The following ACTG1 variants were observed in gnomAD, a reference collection of about 807,000 sequenced individuals.
ACTG1 encodes actin gamma 1, also known as actin, cytoplasmic 2.
Under a neutral mutation model 34.3 loss-of-function variants are expected in ACTG1, and 14 were observed. The ratio of observed to expected loss-of-function variants is 0.41; its 90% CI spans 0.27 to 0.64. ACTG1 has a LOEUF of 0.64. Ranked by LOEUF, ACTG1 falls within the 30% of genes least tolerant of loss-of-function variation. The pLI is 0.33. For missense variants in ACTG1, 233 were observed against 529.5 expected (o/e 0.44, Z 5.50); for synonymous variants, 422 against 213.9 (o/e 1.97, Z -8.49).
Position 81,510,935 on chromosome 17 carries a change from T to TGGC in ACTG1, c.975_976insGCC (p.Met325_Lys326insAla). The stretch of plus-strand genomic sequence containing the variant: ...CCAACCCCTCGACTCACCTTGATCT[T>TGGC]CATGGTGCTGGGCGCCAGGGCGGTG... On this transcript the variant is annotated inframe_insertion, in exon 5 of 6. Coordinates refer to ENST00000573283, the MANE Select transcript of ACTG1 (RefSeq NM_001614.5). 1 of 1,614,062 alleles carries TGGC rather than the reference T, an allele frequency of 6.2e-7. No homozygotes were observed. Among genetic ancestry groups the TGGC allele is most frequent in the Admixed American group, 1.7e-5 (1 of 60,022 alleles).
At chr17:81,512,182 A>T (rs1555667166) in intron 2 of ACTG1, 40 bp from the exon 3 acceptor site, 1 of 1,612,950 alleles carries the variant, frequency 6.2e-7, no homozygotes, top group Admixed American at 1.7e-5. Flanking sequence ...GCGACACCGA[A>T]CCCACCCCGC....
At chr17:81,511,156 AAG>A in intron 4 of ACTG1, 30 bp downstream of exon 4, 1 of 1,613,722 alleles carries the variant, frequency 6.2e-7, no homozygotes, top group South Asian at 1.1e-5. Flanking sequence ...CCGAGGATGT[AAG>A]AGTAGAAACC....
rs1140383 is a variant in ACTG1, at chr17:81,510,208, G to A, written c.*482C>T. 4 of 527,628 alleles carry A rather than the reference G, an allele frequency of 7.6e-6. No individual in the cohort carries two copies. Among genetic ancestry groups the A allele is most frequent in the African/African-American group, 1.9e-5 (1 of 51,380 alleles). 32.7% of individuals were successfully genotyped at this position (527,628 alleles called of 1,614,324 possible). ...TGTTCTGGCCAAAGACATCAGCTAA[G>A]AAAGGAAACTGGGTCCTACGGCTTG... On this transcript the variant is annotated 3_prime_UTR_variant, in exon 6 of 6. Coordinates refer to ENST00000573283, the MANE Select transcript of ACTG1 (RefSeq NM_001614.5).
chr17:81,510,115 T>C lies in ACTG1; in HGVS notation c.*575A>G. 2.1e-6 allele frequency: 1 copy of C among 465,602 alleles called. No individual in the cohort carries two copies. Among genetic ancestry groups the C allele is most frequent in the Non-Finnish European group, 4.2e-6 (1 of 237,486 alleles). The allele number at this position is 465,602 out of a possible 1,614,324, so 28.8% of individuals were successfully genotyped here. A position where few individuals can be genotyped will look rare whatever the true frequency, so the allele number is the denominator to read the frequency against. ...CGTACAAAAAAAACCTTACATAAAT[T>C]AAGAATGAATACATTTACAGGCGTA... On this transcript the variant is annotated 3_prime_UTR_variant, in exon 6 of 6. Transcript: ENST00000573283.
chr17:81,510,233 G>C lies in ACTG1; in HGVS notation c.*457C>G. 2 of 524,214 alleles carry C rather than the reference G, an allele frequency of 3.8e-6. No individual in the cohort carries two copies. Among genetic ancestry groups the C allele is most frequent in the Non-Finnish European group, 6.8e-6 (2 of 293,820 alleles). The allele number at this position is 524,214 out of a possible 1,614,324, so 32.5% of individuals were successfully genotyped here. A position where few individuals can be genotyped will look rare whatever the true frequency, so the allele number is the denominator to read the frequency against. On this transcript the variant is annotated 3_prime_UTR_variant, in exon 6 of 6. Coordinates refer to ENST00000573283, the MANE Select transcript of ACTG1 (RefSeq NM_001614.5). ...GAAAGGAAACTGGGTCCTACGGCTTGGACTTTCCAACCCTGACAGACCCGC... is the reference window on the plus strand; with the variant it reads ...GAAAGGAAACTGGGTCCTACGGCTTCGACTTTCCAACCCTGACAGACCCGC...
At chr17:81,511,132 G>A (rs368951838) in intron 4 of ACTG1, 24 bp from the exon 5 acceptor site, 29 of 1,613,774 alleles carry the variant, frequency 1.8e-5, no homozygotes, top group Non-Finnish European at 2.5e-5. Context: ...CCCTCCCTTA[G>A]TGATGCTGTG....
rs375903517 is a variant in ACTG1 at position 81,510,777 on chromosome 17, G to A, written c.1041C>T (p.Ala347=). Residue 347 remains alanine (A), a synonymous_variant, in exon 6 of 6, where the codon GCC becomes GCT. Transcript: ENST00000573283. ...YSVWIGGSIL[A]SLSTFQQMWI... ...ACATCTGCTGGAAGGTGGACAGTGA[G>A]GCCAGGATGGAGCCACCGATCCACA... is the stretch of plus-strand genomic sequence containing the variant. 8.1e-6 allele frequency: 13 copies of A among 1,611,504 alleles called. No individual in the cohort carries two copies. The highest frequency in any genetic ancestry group is 3.3e-5 in the Admixed American group (2 of 59,808).
In ACTG1 at chr17:81,510,267, A is replaced by G; in HGVS notation, c.*423T>C. On this transcript the variant is annotated 3_prime_UTR_variant, in exon 6 of 6. Coordinates refer to ENST00000573283, the MANE Select transcript of ACTG1 (RefSeq NM_001614.5). ...AACCCTGACAGACCCGCAAGACAAA[A>G]CAACTGGTTCTTGCCAGCCTCTAGA... is the stretch of plus-strand genomic sequence containing the variant. 1 of 522,872 alleles carries G rather than the reference A, an allele frequency of 1.9e-6. No individual in the cohort carries two copies. Among genetic ancestry groups the G allele is most frequent in the Non-Finnish European group, 3.4e-6 (1 of 296,524 alleles). The allele number at this position is 522,872 out of a possible 1,614,324, so 32.4% of individuals were successfully genotyped here. A position where few individuals can be genotyped will look rare whatever the true frequency, so the allele number is the denominator to read the frequency against.
chr17:81,511,733 A>G, intron 3 of ACTG1, 107 bp from the exon 4 acceptor site: 3 of 1,518,420 alleles, frequency 2.0e-6, no homozygotes, highest in South Asian at 1.2e-5. Flanking sequence ...GAGAAAAGAA[A>G]AGAACGCAGG....
Position 81,510,143 on chromosome 17 carries a change from T to C in ACTG1, c.*547A>G, listed in dbSNP as rs539115479. The C allele has an allele frequency of 5.2e-4, 263 of 504,536 alleles. 2 individuals carry two copies. The highest frequency in any genetic ancestry group is 8.9e-4 in the Non-Finnish European group (244 of 272,780). 31.3% of individuals were successfully genotyped at this position (504,536 alleles called of 1,614,324 possible). A position where few individuals can be genotyped will look rare whatever the true frequency, so the allele number is the denominator to read the frequency against. ...GAATGAATACATTTACAGGCGTAAA[T>C]GCAAACCGCTTCCAACTCAAAGCAA... On this transcript the variant is annotated 3_prime_UTR_variant, in exon 6 of 6. Transcript: ENST00000573283.
Position 81,512,367 on chromosome 17 carries a change from G to C in ACTG1, c.-6-7C>G, listed in dbSNP as rs199699427. 3.7e-6 allele frequency: 6 copies of C among 1,613,798 alleles called. No individual in the cohort carries two copies. In the East Asian group the frequency reaches 1.3e-4, roughly 36 times the overall value. ...TCTCTTCTTCCATTGCGACCTGCCC[G>C]GAAAAGGATGGACTCAGGCGGGCGC... On this transcript the variant is annotated splice_region_variant and splice_polypyrimidine_tract_variant and intron_variant, in intron 1 of 5. Transcript: ENST00000573283.
chr17:81,511,318 CTCGAAG>C lies in ACTG1; in HGVS notation c.666_671del (p.Asp222_Phe223del). The stretch of plus-strand genomic sequence containing the variant: ...AGGATGCGGCGGTGGCCATCTCCTG[CTCGAAG>C]TCCAGGGCGACGTAGCACAGCTTCT... On this transcript the variant is annotated inframe_deletion, in exon 4 of 6. Coordinates refer to ENST00000573283, the MANE Select transcript of ACTG1 (RefSeq NM_001614.5). The C allele has an allele frequency of 6.2e-7, 1 of 1,613,806 alleles. No individual in the cohort carries two copies. Among genetic ancestry groups the C allele is most frequent in the Non-Finnish European group, 8.5e-7 (1 of 1,180,038 alleles).
In ACTG1 at chr17:81,510,610, G is replaced by T. The variant is rs782024807; in HGVS notation, c.*80C>A. 1.3e-6 allele frequency: 2 copies of T among 1,560,588 alleles called. No homozygotes were observed. Among genetic ancestry groups the T allele is most frequent in the Non-Finnish European group, 1.8e-6 (2 of 1,133,444 alleles). The stretch of plus-strand genomic sequence containing the variant: ...TATTCCAGTTTCGTGAGGCTAGCAT[G>T]AGGTGTGTGCATTTGCCAGGGGCAA... On this transcript the variant is annotated 3_prime_UTR_variant, in exon 6 of 6. Coordinates refer to ENST00000573283, the MANE Select transcript of ACTG1 (RefSeq NM_001614.5).
intron 2 of ACTG1, 32 bp downstream of exon 2, chr17:81,512,199 GA>G (rs782127437): frequency 9.3e-6 from 15 of 1,613,196 alleles, no homozygotes; most frequent in Non-Finnish European, 1.1e-5. Flanking sequence ...CCGCAACGCA[GA>G]ACCCAGGAGC....
chr17:81,510,465 T>C lies in ACTG1; in HGVS notation c.*225A>G. 1 of 699,414 alleles carries C rather than the reference T, an allele frequency of 1.4e-6. No homozygotes were observed. Among genetic ancestry groups the C allele is most frequent in the South Asian group, 1.5e-5 (1 of 66,802 alleles). 43.3% of individuals were successfully genotyped at this position (699,414 alleles called of 1,614,324 possible). A position where few individuals can be genotyped will look rare whatever the true frequency, so the allele number is the denominator to read the frequency against. ...GTTGAACTCAAAGATATGTACAGGGTATTAAACAAATACCAAGGGGAACAG... is the reference window on the plus strand; with the variant it reads ...GTTGAACTCAAAGATATGTACAGGGCATTAAACAAATACCAAGGGGAACAG... On this transcript the variant is annotated 3_prime_UTR_variant, in exon 6 of 6. Transcript: ENST00000573283.
At position 81,510,664 on chromosome 17, in the gene ACTG1, A is replaced by G. The variant is rs782816772; in HGVS notation, c.*26T>C. 1.2e-6 allele frequency: 2 copies of G among 1,613,500 alleles called. No homozygotes were observed. The highest frequency in any genetic ancestry group is 1.1e-5 in the South Asian group (1 of 91,050). On this transcript the variant is annotated 3_prime_UTR_variant, in exon 6 of 6. Transcript: ENST00000573283. ...TCTATTCTCAATTAACCCATGCAGC[A>G]AATGCTACGCATCTGCTGAGTCCGT...
In ACTG1 at chr17:81,510,326, T is replaced by A. The variant is rs533884184; in HGVS notation, c.*364A>T. The A allele has an allele frequency of 7.2e-4, 313 of 436,486 alleles. 3 individuals carry two copies. The Middle Eastern group carries it at 7.8e-3, about 11-fold the overall frequency. The allele number at this position is 436,486 out of a possible 1,614,324, so 27.0% of individuals were successfully genotyped here. A position where few individuals can be genotyped will look rare whatever the true frequency, so the allele number is the denominator to read the frequency against. On this transcript the variant is annotated 3_prime_UTR_variant, in exon 6 of 6. Coordinates refer to ENST00000573283, the MANE Select transcript of ACTG1 (RefSeq NM_001614.5). Reference sequence around the variant, plus strand: ...AGAACACTCAGCCCTGACACGTTAATACCCTGCACAGATCAGAGGCTGCTG... The same window carrying A: ...AGAACACTCAGCCCTGACACGTTAAAACCCTGCACAGATCAGAGGCTGCTG...
rs2031833199 is a variant in ACTG1 at position 81,512,071 on chromosome 17, C to G, written c.195G>C (p.Leu65=). 1.2e-6 allele frequency: 2 copies of G among 1,614,020 alleles called. No individual in the cohort carries two copies. Among genetic ancestry groups the G allele is most frequent in the Non-Finnish European group, 1.7e-6 (2 of 1,180,042 alleles). Residue 65 remains leucine, a synonymous_variant, in exon 3 of 6, where the codon CTG becomes CTC. Transcript: ENST00000573283. ...GDEAQSKRGI[L]TLKYPIEHGI... is the part of the protein sequence containing the mutation. ...CATGCTCAATGGGGTACTTCAGGGT[C>G]AGGATGCCACGCTTGCTCTGGGCCT...
Position 81,510,672 on chromosome 17 carries a change from C to G in ACTG1, c.*18G>C. 6.2e-7 allele frequency: 1 copy of G among 1,613,384 alleles called. No homozygotes were observed. Among genetic ancestry groups the G allele is most frequent in the South Asian group, 1.1e-5 (1 of 91,048 alleles). On this transcript the variant is annotated 3_prime_UTR_variant, in exon 6 of 6. Coordinates refer to ENST00000573283, the MANE Select transcript of ACTG1 (RefSeq NM_001614.5). The stretch of plus-strand genomic sequence containing the variant: ...CAATTAACCCATGCAGCAAATGCTA[C>G]GCATCTGCTGAGTCCGTTTAGAAGC...
Sources: allele counts gnomAD v4.1 joint callset, GRCh38; gene constraint gnomAD v4.1.1; transcripts MANE v1.5; gene names NCBI Gene and HGNC (gene_info 2026-07-23, HGNC 2026-07-21).